Variants in SPPL2A observed in about 807,000 individuals in gnomAD.
SPPL2A encodes signal peptide peptidase-like 2A.
Under a neutral mutation model 63.8 loss-of-function variants are expected in SPPL2A, and 51 were observed. That is an observed-to-expected ratio of 0.80 (90% CI 0.64 to 1.01). SPPL2A has a LOEUF of 1.01. SPPL2A is among the 50% of genes least tolerant of loss of function. The pLI is 0.00. For synonymous variants in SPPL2A, 188 were observed against 205.8 expected (o/e 0.91, Z 0.74); for missense variants, 553 against 622.7 (o/e 0.89, Z 1.19).
intron 1 of SPPL2A, among the ~76,000 whole-genome samples, chr15:50,760,743 A>G (rs1255746397): frequency 6.6e-6 from 1 of 152,184 alleles, no homozygotes; most frequent in Non-Finnish European, 1.5e-5. Context: ...ATTCCACAGC[A>G]CAGCAGCTCA....
chr15:50,758,121 T>C (rs1596400348), intron 1 of SPPL2A, among the ~76,000 whole-genome samples: 2 of 150,610 alleles, frequency 1.3e-5, no homozygotes, highest in Admixed American at 6.6e-5. Flanking sequence ...ACCCCGTCTC[T>C]ACTAAAAATA....
chr15:50,719,831 A>T, intron 14 of SPPL2A, 109 bp downstream of exon 14: 1 of 701,620 alleles, frequency 1.4e-6, no homozygotes, highest in Non-Finnish European at 2.4e-6. Context: ...GGGGTATTAC[A>T]GTACTTTTTG....
intron 2 of SPPL2A, among the ~76,000 whole-genome samples, 188 bp downstream of exon 2, chr15:50,749,448 C>T (rs1294713252): frequency 6.6e-5 from 10 of 152,114 alleles, no homozygotes; most frequent in Admixed American, 4.6e-4. Context: ...CCACCACACC[C>T]AGCTAATTTT....
intron 1 of SPPL2A, among the ~76,000 whole-genome samples, chr15:50,754,888 C>T (rs28393946): frequency 1.3e-5 from 2 of 150,024 alleles, no homozygotes; most frequent in African/African-American, 2.4e-5. Context: ...AGGCTGAGGC[C>T]GGAGAATCAC....
intron 1 of SPPL2A, among the ~76,000 whole-genome samples, chr15:50,752,766 T>C (rs950058986): frequency 9.2e-5 from 14 of 151,744 alleles, no homozygotes; most frequent in Non-Finnish European, 2.1e-4. Flanking sequence ...CTTTGAGGAC[T>C]TCTTGTTTTT....
At chr15:50,722,350 A>G (rs1013164367) in intron 12 of SPPL2A, 149 bp from the exon 13 acceptor site, 7 of 548,268 alleles carry the variant, frequency 1.3e-5, no homozygotes, top group Non-Finnish European at 2.3e-5. Flanking sequence ...AAAATTTTAT[A>G]TGCTGATTTT....
Position 50,707,817 on chromosome 15 carries a change from G to C in SPPL2A, c.1546C>G (p.Gln516Glu), listed in dbSNP as rs1478676191. Residue 516 changes from glutamine to glutamate, a missense_variant, in exon 15 of 15, where the codon CAG becomes GAG. Gln to Glu is a conservative substitution (Grantham distance 29). Coordinates refer to ENST00000261854, the MANE Select transcript of SPPL2A (RefSeq NM_032802.4). Reference sequence around the variant, plus strand: ...ACATAATATTATTGCTGGACAATCTGTTCACCAGATATCACAGGGTTTTCT... The same window carrying C: ...ACATAATATTATTGCTGGACAATCTCTTCACCAGATATCACAGGGTTTTCT... The part of the protein sequence containing the change: ...NEENPVISGE[Q>E]IVQQ 6.4e-7 allele frequency: 1 copy of C among 1,565,642 alleles called. No homozygotes were observed. The highest frequency in any genetic ancestry group is 8.8e-7 in the Non-Finnish European group (1 of 1,136,022).
intron 11 of SPPL2A, chr15:50,725,971 A>T: frequency 3.1e-6 from 2 of 653,426 alleles, no homozygotes; most frequent in Non-Finnish European, 4.6e-6. Context: ...AACAGGCCTA[A>T]TTTTTTTTGG....
At chr15:50,763,488 C>G (rs951567445) in intron 1 of SPPL2A, among the ~76,000 whole-genome samples, 1 of 152,174 alleles carries the variant, frequency 6.6e-6, no homozygotes, top group African/African-American at 2.4e-5. Flanking sequence ...AGATGCACAC[C>G]AAACATTTGC....
In SPPL2A at chr15:50,736,113, C is replaced by A; in HGVS notation, c.920G>T (p.Arg307Leu). 1 of 1,605,064 alleles carries A rather than the reference C, an allele frequency of 6.2e-7. No individual in the cohort carries two copies. Among genetic ancestry groups the A allele is most frequent in the African/African-American group, 1.3e-5 (1 of 74,804 alleles). ...TGAGTATTCATACCTGTCTTCATTT[C>A]GAAACACAGCCCAAACAACAGCTAC... ...IAVAVVWAVF[R>L]NEDRWAWILQ... The change falls in exon 8 of 15, where the codon CGA becomes CTA. Residue 307 changes from arginine to leucine, a missense_variant. Arg to Leu is a moderately radical substitution (Grantham distance 102). Transcript: ENST00000261854.
At chr15:50,758,473 G>C (rs2062980257) in intron 1 of SPPL2A, among the ~76,000 whole-genome samples, 1 of 150,950 alleles carries the variant, frequency 6.6e-6, no homozygotes, top group African/African-American at 2.4e-5. Flanking sequence ...GCTGGGACAA[G>C]AGCAGGTGCC....
chr15:50,739,564 C>A, intron 6 of SPPL2A, 116 bp downstream of exon 6: 9 of 663,644 alleles, frequency 1.4e-5, no homozygotes, highest in Middle Eastern at 4.5e-4. Context: ...TAATATTAAC[C>A]AAATTATTCA....
At chr15:50,763,289 C>G (rs193006622) in intron 1 of SPPL2A, among the ~76,000 whole-genome samples, 23 of 151,414 alleles carry the variant, frequency 1.5e-4, no homozygotes, top group South Asian at 8.3e-4. Context: ...TCTCAGAACA[C>G]GAAAGGAATG....
At chr15:50,741,135 T>C (rs1307212720) in intron 5 of SPPL2A, among the ~76,000 whole-genome samples, 3 of 152,092 alleles carry the variant, frequency 2.0e-5, no homozygotes, top group Non-Finnish European at 1.5e-5. Flanking sequence ...CTGTTGTTTG[T>C]TGGGCAATCT....
rs1490786879 is a variant in SPPL2A at position 50,720,246 on chromosome 15, A to G, written c.1328-146T>C. ...TTGTAATTTCATCATTTTCCTAGAT[A>G]GGATTAGGAGACATCTTCTATGGAG... On this transcript the variant is annotated intron_variant, in intron 13 of 14. Coordinates refer to ENST00000261854, the MANE Select transcript of SPPL2A (RefSeq NM_032802.4). 8 of 599,650 alleles carry G rather than the reference A, an allele frequency of 1.3e-5. No homozygotes were observed. In the Admixed American group the frequency reaches 2.4e-4, roughly 18 times the overall value. The allele number at this position is 599,650 out of a possible 1,614,324, so 37.1% of individuals were successfully genotyped here. A position where few individuals can be genotyped will look rare whatever the true frequency, so the allele number is the denominator to read the frequency against.
chr15:50,715,735 T>C (rs1475883197), intron 14 of SPPL2A, among the ~76,000 whole-genome samples: 1 of 152,088 alleles, frequency 6.6e-6, no homozygotes, highest in Non-Finnish European at 1.5e-5. Context: ...ATTACTAAAA[T>C]GCAATCAGTA....
intron 6 of SPPL2A, among the ~76,000 whole-genome samples, 167 bp from the exon 7 acceptor site, chr15:50,736,907 G>GTTTTTTTTTT (rs35812835): frequency 6.6e-6 from 1 of 150,506 alleles, no homozygotes. Context: ...AGATCGTGAG[G>GTTTTTTTTTT]TTTTTTGTTT....
At chr15:50,747,978 AC>A in intron 4 of SPPL2A, 134 bp downstream of exon 4, 1 of 468,356 alleles carries the variant, frequency 2.1e-6, no homozygotes, top group Non-Finnish European at 3.7e-6. Context: ...TACTTTCCAA[AC>A]AAAAACTTGA....
At chr15:50,754,958 G>C (rs1596398193) in intron 1 of SPPL2A, among the ~76,000 whole-genome samples, 1 of 151,346 alleles carries the variant, frequency 6.6e-6, no homozygotes, top group African/African-American at 2.4e-5. Context: ...CTCCAGCCTG[G>C]GCAACAAGAG....
Sources: allele counts gnomAD v4.1 joint callset (sites outside exome capture counted in the v4.1 genomes callset), GRCh38; gene constraint gnomAD v4.1.1; transcripts MANE v1.5; gene names NCBI Gene and HGNC (gene_info 2026-07-23, HGNC 2026-07-21).